Variants in RIC1 observed in about 807,000 individuals in gnomAD.
RIC1 encodes RIC1 partner of RAB6A GEF complex.
Under a neutral mutation model 169.0 loss-of-function variants are expected in RIC1, and 88 were observed. The ratio of observed to expected loss-of-function variants is 0.52; its 90% CI spans 0.44 to 0.62. RIC1 has a LOEUF of 0.62. Among genes scored for constraint, RIC1 ranks in the 20% least tolerant of loss-of-function variants. RIC1 has a pLI of 0.00. For missense variants in RIC1, 1,877 were observed against 1,725.5 expected, an observed-to-expected ratio of 1.09 and a Z score of -1.56; for synonymous variants, 790 against 601.5, an observed-to-expected ratio of 1.31 and a Z score of -4.59.
At chr9:5,648,322 G>C (rs1013587009) in intron 1 of RIC1, among the ~76,000 whole-genome samples, 1 of 151,942 alleles carries the variant, frequency 6.6e-6, no homozygotes, top group Non-Finnish European at 1.5e-5. Context: ...TTATTATCTT[G>C]AGATAGTTTG....
intron 22 of RIC1, chr9:5,769,752 A>G (rs1271540394): frequency 4.0e-6 from 1 of 246,944 alleles, no homozygotes; most frequent in East Asian, 8.9e-5. Flanking sequence ...ATTTGTGAAT[A>G]TTGAAACCAA....
Position 5,769,254 on chromosome 9 carries a change from C to G in RIC1, c.3422C>G (p.Thr1141Ser). 1 of 1,614,014 alleles carries G rather than the reference C, an allele frequency of 6.2e-7. No individual in the cohort carries two copies. Among genetic ancestry groups the G allele is most frequent in the Non-Finnish European group, 8.5e-7 (1 of 1,179,884 alleles). The change falls in exon 22 of 26, where the codon ACT becomes AGT. Residue 1141 changes from threonine (T) to serine (S), a missense_variant and splice_region_variant. Transcript: ENST00000414202. Reference sequence around the variant, plus strand: ...CCTTTCAAAAATGGAAAATACCGAACTGGTAATGTAGACTTCATGTCACTT... The same window carrying G: ...CCTTTCAAAAATGGAAAATACCGAAGTGGTAATGTAGACTTCATGTCACTT... ...SSPFKNGKYRTVGEQLLKSQS... is the reference protein window; with the variant it reads ...SSPFKNGKYRSVGEQLLKSQS...
At chr9:5,709,801 A>C (rs1822826642) in intron 3 of RIC1, among the ~76,000 whole-genome samples, 1 of 152,184 alleles carries the variant, frequency 6.6e-6, no homozygotes, top group African/African-American at 2.4e-5. Flanking sequence ...TTTGGAAGAC[A>C]GGATGGAAAC....
chr9:5,765,990 C>T (rs756868271), intron 21 of RIC1, among the ~76,000 whole-genome samples, 192 bp downstream of exon 21: 2 of 152,192 alleles, frequency 1.3e-5, no homozygotes, highest in African/African-American at 2.4e-5. Flanking sequence ...TCAGCACCCT[C>T]TGAATAGTTT....
At chr9:5,647,968 G>GTGGTGGTGA (rs1563867013) in intron 1 of RIC1, among the ~76,000 whole-genome samples, 8 of 134,860 alleles carry the variant, frequency 5.9e-5, no homozygotes, top group East Asian at 2.0e-4. Context: ...GGTGGTGGTG[G>GTGGTGGTGA]TGGTGATGGT....
chr9:5,724,020 T>G (rs1823787189), intron 6 of RIC1, among the ~76,000 whole-genome samples: 1 of 152,092 alleles, frequency 6.6e-6, no homozygotes. Flanking sequence ...TCTTTTGGCT[T>G]AGGATTGTCT....
In RIC1 at chr9:5,773,099, A is replaced by C; in HGVS notation, c.3983+19A>C. On this transcript the variant is annotated intron_variant, in intron 25 of 25. Transcript: ENST00000414202. Reference sequence around the variant, plus strand: ...CAGACTGGTAAGTGCTGCTTTCCTTAGGCTTGGTGTCCTTCCATGTCTTTT... The same window carrying C: ...CAGACTGGTAAGTGCTGCTTTCCTTCGGCTTGGTGTCCTTCCATGTCTTTT... The C allele has an allele frequency of 6.5e-7, 1 of 1,533,502 alleles. No homozygotes were observed. The highest frequency in any genetic ancestry group is 8.8e-7 in the Non-Finnish European group (1 of 1,136,908). The allele number at this position is 1,533,502 out of a possible 1,614,324, so 95.0% of individuals were successfully genotyped here. A position where few individuals can be genotyped will look rare whatever the true frequency, so the allele number is the denominator to read the frequency against.
intron 1 of RIC1, among the ~76,000 whole-genome samples, chr9:5,650,328 T>C (rs961526198): frequency 1.3e-5 from 2 of 151,808 alleles, no homozygotes; most frequent in Non-Finnish European, 2.9e-5. Flanking sequence ...TATGTGTGAG[T>C]GGCAGACAGG....
At chr9:5,750,890 A>G (rs921606898) in intron 12 of RIC1, among the ~76,000 whole-genome samples, 5 of 151,896 alleles carry the variant, frequency 3.3e-5, no homozygotes, top group Non-Finnish European at 5.9e-5. Context: ...GAGAAAATAC[A>G]TAGTATCTTT....
intron 2 of RIC1, among the ~76,000 whole-genome samples, chr9:5,679,887 A>C (rs1416968249): frequency 6.6e-6 from 1 of 152,026 alleles, no homozygotes; most frequent in Non-Finnish European, 1.5e-5. Flanking sequence ...GTTGAATAGG[A>C]GTGGTGAGAG....
chr9:5,774,074 C>T lies in RIC1; in HGVS notation c.4100C>T (p.Pro1367Leu). 6.2e-7 allele frequency: 1 copy of T among 1,614,032 alleles called. No individual in the cohort carries two copies. The highest frequency in any genetic ancestry group is 8.5e-7 in the Non-Finnish European group (1 of 1,179,972). The change falls in exon 26 of 26, where the codon CCA becomes CTA. Residue 1367 changes from proline (P) to leucine (L), a missense_variant. Pro to Leu is a moderately conservative substitution (Grantham distance 98). This residue lies in a region of RIC1 where 681 missense variants were observed against 582.0 expected (regional missense o/e 1.17). Coordinates refer to ENST00000414202, the MANE Select transcript of RIC1 (RefSeq NM_020829.4). The part of the protein sequence containing the change: ...AFQPITMGKT[P>L]EQTSPRAEES... ...CAACCAATAACTATGGGTAAGACTC[C>T]AGAACAGACTAGCCCCCGGGCAGAG...
chr9:5,735,390 G>C (rs1200320711), intron 7 of RIC1, among the ~76,000 whole-genome samples: 1 of 152,204 alleles, frequency 6.6e-6, no homozygotes, highest in Non-Finnish European at 1.5e-5. Flanking sequence ...TTTGGGGCCA[G>C]CACAAGGGTG....
At chr9:5,645,953 T>TTG (rs1818488078) in intron 1 of RIC1, among the ~76,000 whole-genome samples, 1 of 151,582 alleles carries the variant, frequency 6.6e-6, no homozygotes, top group African/African-American at 2.4e-5. Flanking sequence ...CTATAGGTTT[T>TTG]TTTTTTTTTT....
At chr9:5,761,265 C>T (rs1826321145) in intron 17 of RIC1, among the ~76,000 whole-genome samples, 1 of 151,958 alleles carries the variant, frequency 6.6e-6, no homozygotes, top group Non-Finnish European at 1.5e-5. Flanking sequence ...AGGCACCTGC[C>T]ACCACGCCCG....
chr9:5,662,872 T>C (rs1375427005), intron 2 of RIC1, among the ~76,000 whole-genome samples: 1 of 152,186 alleles, frequency 6.6e-6, no homozygotes, highest in Non-Finnish European at 1.5e-5. Context: ...TCTTGTCTTC[T>C]GCTAGCTTTT....
At chr9:5,686,996 A>G (rs1046401770) in intron 2 of RIC1, among the ~76,000 whole-genome samples, 2 of 152,130 alleles carry the variant, frequency 1.3e-5, no homozygotes, top group African/African-American at 4.8e-5. Context: ...TGTGGAAAGG[A>G]TTTGAATTGG....
intron 12 of RIC1, among the ~76,000 whole-genome samples, chr9:5,751,977 C>T (rs1168206799): frequency 2.0e-5 from 3 of 152,120 alleles, no homozygotes; most frequent in Non-Finnish European, 2.9e-5. Flanking sequence ...TTGAACAGAT[C>T]GAAGCTTTTC....
intron 2 of RIC1, among the ~76,000 whole-genome samples, chr9:5,683,002 G>T (rs1299540533): frequency 1.3e-5 from 2 of 152,214 alleles, no homozygotes; most frequent in African/African-American, 4.8e-5. Context: ...CGTGCCATGG[G>T]TTTCAGCTCC....
At chr9:5,724,630 C>A (rs1488026610) in intron 6 of RIC1, among the ~76,000 whole-genome samples, 3 of 152,180 alleles carry the variant, frequency 2.0e-5, no homozygotes, top group Non-Finnish European at 4.4e-5. Context: ...ACATCCCTGT[C>A]TTGTGCCAGT....
Sources: allele counts gnomAD v4.1 joint callset (sites outside exome capture counted in the v4.1 genomes callset), GRCh38; gene constraint gnomAD v4.1.1; regional missense constraint gnomAD v4.1.1; transcripts MANE v1.5; gene names NCBI Gene and HGNC (gene_info 2026-07-23, HGNC 2026-07-21).